The following NUP188 variants were observed in gnomAD, a reference collection of about 807,000 sequenced individuals.
NUP188 encodes nucleoporin 188, also known as nucleoporin NUP188.
In NUP188, 97 loss-of-function variants were observed where a neutral mutation model predicts 223.0. The observed-to-expected ratio is 0.43, with a 90% confidence interval of 0.37 to 0.51. NUP188 has a LOEUF of 0.51. Among genes scored for constraint, NUP188 ranks in the 20% least tolerant of loss-of-function variants. The pLI, the probability that NUP188 is intolerant of heterozygous loss-of-function variation, is 0.00. For synonymous variants in NUP188, 869 were observed against 828.0 expected, an observed-to-expected ratio of 1.05 and a Z score of -0.85; for missense variants, 1,947 against 2,175.6, an observed-to-expected ratio of 0.89 and a Z score of 2.09.
chr9:128,982,891 T>C lies in NUP188; in HGVS notation c.1670-11T>C. On this transcript the variant is annotated splice_polypyrimidine_tract_variant and intron_variant, in intron 16 of 43. Coordinates refer to ENST00000372577, the MANE Select transcript of NUP188 (RefSeq NM_015354.3). ...GTTTGCCGTGAGGTCACAGGCTGTC[T>C]TTCTTCTCAGATGTGATTCAGCACT... 1 of 1,614,180 alleles carries C rather than the reference T, an allele frequency of 6.2e-7. No homozygotes were observed. Among genetic ancestry groups the C allele is most frequent in the Non-Finnish European group, 8.5e-7 (1 of 1,180,004 alleles).
chr9:129,003,708 T>C (rs10739740), intron 38 of NUP188: 232,193 of 542,670 alleles, frequency 0.43, 50,132 homozygotes, highest in Admixed American at 0.49. Flanking sequence ...AAGAATACAC[T>C]TGGGGCCGGG....
Position 129,003,555 on chromosome 9 carries a change from C to T in NUP188, c.4434+101C>T, listed in dbSNP as rs1313606970. 3.6e-6 allele frequency: 5 copies of T among 1,374,076 alleles called. 1 individual carries two copies. In the East Asian group the frequency reaches 1.1e-4, roughly 31 times the overall value. 85.1% of individuals were successfully genotyped at this position (1,374,076 alleles called of 1,614,324 possible). A position where few individuals can be genotyped will look rare whatever the true frequency, so the allele number is the denominator to read the frequency against. The stretch of plus-strand genomic sequence containing the variant: ...ACTCCTAGTGAATTGCAGGATGTTC[C>T]TGAACGGGGGCTTTTCCCTTGGGGA... On this transcript the variant is annotated intron_variant, in intron 38 of 43. Transcript: ENST00000372577.
Position 128,982,923 on chromosome 9 carries a change from G to A in NUP188, c.1691G>A (p.Arg564Gln), listed in dbSNP as rs752755128. Reference protein sequence around the residue: ...STADVIQHCQRVKPIIDLVHK... With the variant: ...STADVIQHCQQVKPIIDLVHK... ...TCAGATGTGATTCAGCACTGCCAGC[G>A]AGTCAAACCCATCATTGATCTCGTC... Residue 564 changes from arginine (R) to glutamine (Q), a missense_variant, in exon 17 of 44, where the codon CGA (arginine) becomes CAA (glutamine). Arg to Gln is a conservative substitution (Grantham distance 43, BLOSUM62 1). Around this residue, in one of 3 missense-constraint regions of NUP188, gnomAD observed 817 missense variants for 865.8 expected, o/e 0.94. Transcript: ENST00000372577. The A allele has an allele frequency of 1.5e-5, 25 of 1,614,012 alleles. No homozygotes were observed. The highest frequency in any genetic ancestry group is 1.6e-4 in the Middle Eastern group (1 of 6,084).
At chr9:128,983,407 C>A in intron 18 of NUP188, 27 bp downstream of exon 18, 1 of 1,612,638 alleles carries the variant, frequency 6.2e-7, no homozygotes, top group Non-Finnish European at 8.5e-7. Flanking sequence ...TCCCAAGAGC[C>A]AAAAATGTAG....
chr9:128,965,473 GAC>G (rs1489501120), intron 8 of NUP188, among the ~76,000 whole-genome samples: 1 of 151,772 alleles, frequency 6.6e-6, no homozygotes, highest in African/African-American at 2.4e-5. Flanking sequence ...TTTTTTTTGA[GAC>G]AGAGTCTCAC....
intron 20 of NUP188, among the ~76,000 whole-genome samples, chr9:128,985,830 G>T (rs1480410743): frequency 6.6e-6 from 1 of 152,188 alleles, no homozygotes; most frequent in Non-Finnish European, 1.5e-5. Context: ...AGGCTGATCA[G>T]GAGTTTGAGA....
At chr9:129,004,783 A>G (rs372018691) in intron 38 of NUP188, 46 of 238,542 alleles carry the variant, frequency 1.9e-4, no homozygotes, top group South Asian at 7.1e-4. Context: ...GATTACAGGC[A>G]TGAGCCACCG....
chr9:128,981,529 T>C (rs1222778915), intron 15 of NUP188, 139 bp downstream of exon 15: 19 of 823,928 alleles, frequency 2.3e-5, no homozygotes, highest in Non-Finnish European at 3.2e-5. Context: ...TCTCCCACCT[T>C]AGCCTCCCAA....
Position 128,999,388 on chromosome 9 carries a change from C to T in NUP188, c.3661+71C>T, listed in dbSNP as rs186770183. On this transcript the variant is annotated intron_variant, in intron 33 of 43. Transcript: ENST00000372577. ...CCTGCTGACAGCCAGGCAGGGCTTC[C>T]TTCAGCTTAGGGCCACACATTTCTT... 1.8e-5 allele frequency: 29 copies of T among 1,567,796 alleles called. No homozygotes were observed. In the East Asian group the frequency reaches 6.6e-4, roughly 36 times the overall value.
intron 27 of NUP188, among the ~76,000 whole-genome samples, chr9:128,994,109 T>TG (rs1332006664): frequency 6.6e-6 from 1 of 152,184 alleles, no homozygotes; most frequent in Non-Finnish European, 1.5e-5. Context: ...TCCTCTTCTG[T>TG]GGGGCTTTTG....
chr9:128,998,760 T>C (rs1842577289), intron 32 of NUP188, 137 bp downstream of exon 32: 5 of 700,194 alleles, frequency 7.1e-6, no homozygotes, highest in African/African-American at 3.5e-5. Context: ...ACATAGCAGA[T>C]AGGAGGGTGA....
chr9:128,976,709 C>T (rs1344757908), intron 12 of NUP188, among the ~76,000 whole-genome samples: 2 of 151,318 alleles, frequency 1.3e-5, no homozygotes, highest in Admixed American at 6.6e-5. Flanking sequence ...AGGTCATGGG[C>T]ATAGAACAAG....
intron 12 of NUP188, among the ~76,000 whole-genome samples, chr9:128,975,525 T>C (rs1463565598): frequency 1.3e-5 from 2 of 149,594 alleles, no homozygotes; most frequent in East Asian, 2.0e-4. Context: ...CCTGGCCTTA[T>C]TTATTTTTCT....
chr9:128,958,148 T>C (rs1023390881), intron 6 of NUP188, 94 bp downstream of exon 6: 3 of 978,548 alleles, frequency 3.1e-6, no homozygotes, highest in Non-Finnish European at 4.8e-6. Context: ...TTTGACTCTT[T>C]GTTGGGTAAG....
At chr9:128,950,284 C>T (rs751145873) in intron 2 of NUP188, among the ~76,000 whole-genome samples, 3 of 151,942 alleles carry the variant, frequency 2.0e-5, no homozygotes, top group South Asian at 4.1e-4. Flanking sequence ...TGCAGTGGCA[C>T]GATCTTGGCT....
At chr9:128,966,359 T>G (rs748871070) in intron 8 of NUP188, among the ~76,000 whole-genome samples, 6 of 151,796 alleles carry the variant, frequency 4.0e-5, no homozygotes, top group Admixed American at 1.3e-4. Flanking sequence ...TGTCCAAATA[T>G]TGGATGTTTT....
intron 20 of NUP188, among the ~76,000 whole-genome samples, chr9:128,985,431 C>A (rs1375441816): frequency 1.3e-5 from 2 of 152,264 alleles, no homozygotes; most frequent in East Asian, 3.9e-4. Context: ...ATTTTCTATT[C>A]AGTCTCCTCC....
rs758762340 is a variant in NUP188, at chr9:128,970,928, G to A, written c.1083G>A (p.Leu361=). Reference sequence around the variant, plus strand: ...ATGTGTTTCAGTACTTGACCCGATTGCTCCAGTCCCTTGCCAGTGGGGGAA... The same window carrying A: ...ATGTGTTTCAGTACTTGACCCGATTACTCCAGTCCCTTGCCAGTGGGGGAA... ...QLNVFQYLTR[L]LQSLASGGND... is the part of the protein sequence containing the mutation. Residue 361 remains leucine (L), a synonymous_variant, in exon 11 of 44, where the codon TTG becomes TTA. Transcript: ENST00000372577. The A allele has an allele frequency of 6.2e-7, 1 of 1,614,036 alleles. No individual in the cohort carries two copies. The highest frequency in any genetic ancestry group is 8.5e-7 in the Non-Finnish European group (1 of 1,180,008).
chr9:128,959,478 G>A (rs1367026140), intron 8 of NUP188, among the ~76,000 whole-genome samples: 1 of 151,012 alleles, frequency 6.6e-6, no homozygotes, highest in Non-Finnish European at 1.5e-5. Context: ...CTTGCTTATA[G>A]AGCTGCAAGT....
Sources: allele counts gnomAD v4.1 joint callset (sites outside exome capture counted in the v4.1 genomes callset), GRCh38; gene constraint gnomAD v4.1.1; regional missense constraint gnomAD v4.1.1; transcripts MANE v1.5; gene names NCBI Gene and HGNC (gene_info 2026-07-23, HGNC 2026-07-21).